The following SORCS3 variants were observed in gnomAD, a reference collection of about 807,000 sequenced individuals.
SORCS3 encodes sortilin related VPS10 domain containing receptor 3, also known as VPS10 domain-containing receptor SorCS3.
SORCS3 carries 57 observed loss-of-function variants against 146.3 expected under a neutral mutation model. The observed-to-expected ratio is 0.39, with a 90% CI of 0.31 to 0.49. The LOEUF is 0.49. SORCS3 is among the 20% of genes least tolerant of loss of function. SORCS3 has a pLI of 0.92. For missense variants in SORCS3, 1,341 were observed against 1,575.5 expected, an observed-to-expected ratio of 0.85 and a Z score of 2.52; for synonymous variants, 653 against 618.5, an observed-to-expected ratio of 1.06 and a Z score of -0.83.
intron 3 of SORCS3, among the ~76,000 whole-genome samples, chr10:104,970,995 C>CT (rs2054857442): frequency 6.6e-6 from 1 of 152,238 alleles, no homozygotes; most frequent in Middle Eastern, 3.4e-3. Context: ...AAGAAAAACT[C>CT]TAAGAGGAAA....
intron 3 of SORCS3, among the ~76,000 whole-genome samples, chr10:104,930,797 T>A (rs1274568491): frequency 6.6e-6 from 1 of 152,206 alleles, no homozygotes; most frequent in Admixed American, 6.5e-5. Context: ...CTTAGGCACA[T>A]CATTAAATAC....
chr10:104,695,802 G>A (rs543885719), intron 1 of SORCS3, among the ~76,000 whole-genome samples: 7 of 150,430 alleles, frequency 4.7e-5, no homozygotes, highest in African/African-American at 1.7e-4. Context: ...TTTAATATTT[G>A]TGCATAATAC....
chr10:105,124,496 CTTTTTAGCT>C lies in SORCS3; in HGVS notation c.1213-14897_1213-14889del, dbSNP rs543263640. Among the ~76,000 whole-genome samples the C allele has an allele frequency of 8.1e-3, 1,239 of 152,298 alleles. 7 individuals are homozygous for C. Among genetic ancestry groups the C allele is most frequent in the Non-Finnish European group, 0.013 (869 of 68,020 alleles). On this transcript the variant is annotated intron_variant, in intron 7 of 26. Coordinates refer to ENST00000369701, the MANE Select transcript of SORCS3 (RefSeq NM_014978.3). ...TTTGCCAGCCTGACTCCCTTTCTCTCTTTTTAGCTTTTCTTTTTCTTCCTTCTACTATTT... is the reference window on the plus strand; with the variant it reads ...TTTGCCAGCCTGACTCCCTTTCTCTCTTTCTTTTTCTTCCTTCTACTATTT...
intron 6 of SORCS3, among the ~76,000 whole-genome samples, chr10:105,093,829 G>A (rs2055726682): frequency 6.6e-6 from 1 of 152,102 alleles, no homozygotes; most frequent in African/African-American, 2.4e-5. Flanking sequence ...TATTTTGGTA[G>A]TTTGTTATAA....
intron 4 of SORCS3, among the ~76,000 whole-genome samples, chr10:104,988,986 G>C (rs2054978632): frequency 6.6e-6 from 1 of 152,198 alleles, no homozygotes; most frequent in South Asian, 2.1e-4. Flanking sequence ...CATTAGCAAA[G>C]AAGCACCCTT....
At chr10:104,684,631 GT>G (rs1213287797) in intron 1 of SORCS3, among the ~76,000 whole-genome samples, 2 of 151,710 alleles carry the variant, frequency 1.3e-5, no homozygotes, top group African/African-American at 4.8e-5. Context: ...TCTGTGGGCA[GT>G]TTTTTTTCAC....
chr10:105,033,220 A>G (rs2692332), intron 4 of SORCS3, among the ~76,000 whole-genome samples: 14 of 152,134 alleles, frequency 9.2e-5, no homozygotes, highest in African/African-American at 3.1e-4. Context: ...CATGCACAGC[A>G]TACTCAAATG....
chr10:104,697,833 T>C, intron 1 of SORCS3, among the ~76,000 whole-genome samples: 1 of 152,186 alleles, frequency 6.6e-6, no homozygotes, highest in East Asian at 1.9e-4. Context: ...GAACATGCTC[T>C]ATAACATAGT....
At chr10:105,014,710 T>C (rs2055155317) in intron 4 of SORCS3, among the ~76,000 whole-genome samples, 2 of 152,140 alleles carry the variant, frequency 1.3e-5, no homozygotes, top group Non-Finnish European at 2.9e-5. Flanking sequence ...TATGTGAAAC[T>C]TAATCTCCAA....
At chr10:104,693,792 G>C (rs11192160) in intron 1 of SORCS3, among the ~76,000 whole-genome samples, 19,125 of 150,596 alleles carry the variant, frequency 0.13, 1,587 homozygotes, top group Non-Finnish European at 0.19. Flanking sequence ...ATTATCCAAG[G>C]AGGAGATTCT....
At chr10:104,977,254 T>C in intron 3 of SORCS3, 81 bp from the exon 4 acceptor site, 1 of 1,181,828 alleles carries the variant, frequency 8.5e-7, no homozygotes, top group Non-Finnish European at 1.2e-6. Flanking sequence ...CAAATACAGA[T>C]GACTTATTTA....
At chr10:104,954,616 A>G (rs2019467530) in intron 3 of SORCS3, among the ~76,000 whole-genome samples, 1 of 152,200 alleles carries the variant, frequency 6.6e-6, no homozygotes, top group African/African-American at 2.4e-5. Context: ...TGAGAAGAGT[A>G]GTCCACTTGG....
intron 1 of SORCS3, among the ~76,000 whole-genome samples, chr10:104,833,330 A>G (rs1197036075): frequency 6.6e-6 from 1 of 152,174 alleles, no homozygotes; most frequent in Non-Finnish European, 1.5e-5. Context: ...GAGACTCAGC[A>G]TTGGTTTCTT....
chr10:104,735,456 G>T (rs1248894198), intron 1 of SORCS3, among the ~76,000 whole-genome samples: 108 of 34,978 alleles, frequency 3.1e-3, no homozygotes, highest in African/African-American at 8.4e-3. Flanking sequence ...CTCACCGTCT[G>T]TTTTTTTTTT....
At chr10:105,239,512 T>C (rs571125833) in intron 20 of SORCS3, among the ~76,000 whole-genome samples, 1 of 152,304 alleles carries the variant, frequency 6.6e-6, no homozygotes, top group South Asian at 2.1e-4. Flanking sequence ...CACACAGAGC[T>C]TTGTCGATTT....
intron 2 of SORCS3, among the ~76,000 whole-genome samples, chr10:104,885,887 C>T (rs1033088431): frequency 4.6e-5 from 7 of 152,038 alleles, no homozygotes; most frequent in Admixed American, 4.6e-4. Flanking sequence ...GAGGGGAGAG[C>T]AAGAAAGAAA....
chr10:105,113,217 T>G (rs1020526388), intron 7 of SORCS3, among the ~76,000 whole-genome samples: 2 of 151,710 alleles, frequency 1.3e-5, no homozygotes, highest in African/African-American at 4.9e-5. Context: ...AAGGTGAGGC[T>G]TTTCCATGTG....
chr10:104,810,037 G>A (rs556281428), intron 1 of SORCS3, among the ~76,000 whole-genome samples: 1 of 152,314 alleles, frequency 6.6e-6, no homozygotes, highest in East Asian at 1.9e-4. Flanking sequence ...TTCTGAACAT[G>A]CTTCCGACAG....
At chr10:105,169,096 A>C (rs1394256484) in intron 13 of SORCS3, among the ~76,000 whole-genome samples, 3 of 152,124 alleles carry the variant, frequency 2.0e-5, no homozygotes, top group Admixed American at 6.6e-5. Context: ...TGCCCAACCT[A>C]TGTATGTAGG....
Sources: allele counts gnomAD v4.1 joint callset (sites outside exome capture counted in the v4.1 genomes callset), GRCh38; gene constraint gnomAD v4.1.1; transcripts MANE v1.5; gene names NCBI Gene and HGNC (gene_info 2026-07-23, HGNC 2026-07-21).